Variants in TEAD1 observed in about 807,000 individuals in gnomAD.
The protein encoded by TEAD1 is TEA domain transcription factor 1.
A neutral mutation model predicts 54.9 loss-of-function variants in TEAD1; 9 were observed. That is an observed-to-expected ratio of 0.16 (90% CI 0.10 to 0.29). The LOEUF is 0.29. Ranked by LOEUF, TEAD1 falls within the 10% of genes least tolerant of loss-of-function variation. TEAD1 has a pLI of 1.00. For synonymous variants in TEAD1, 200 were observed against 187.8 expected (o/e 1.07, Z -0.53); for missense variants, 387 against 535.9 (o/e 0.72, Z 2.74).
intron 5 of TEAD1, among the ~76,000 whole-genome samples, chr11:12,867,714 A>G (rs999288904): frequency 6.6e-6 from 1 of 152,152 alleles, no homozygotes; most frequent in African/African-American, 2.4e-5. Context: ...CGAGGTCATC[A>G]TGGGGTCAGG....
intron 2 of TEAD1, among the ~76,000 whole-genome samples, chr11:12,713,369 G>A (rs1943984003): frequency 6.6e-6 from 1 of 152,102 alleles, no homozygotes; most frequent in Non-Finnish European, 1.5e-5. Flanking sequence ...CCCACATTGG[G>A]GATTGTCTCT....
intron 5 of TEAD1, among the ~76,000 whole-genome samples, chr11:12,867,537 C>G (rs1403406870): frequency 1.3e-5 from 2 of 152,138 alleles, no homozygotes; most frequent in Non-Finnish European, 2.9e-5. Context: ...TTCTTTCACT[C>G]CCTCCATGAG....
At chr11:12,858,170 C>CT (rs1255125100) in intron 3 of TEAD1, among the ~76,000 whole-genome samples, 6 of 152,246 alleles carry the variant, frequency 3.9e-5, no homozygotes, top group African/African-American at 1.2e-4. Context: ...CAAGACTCTC[C>CT]TCAGAACCTA....
chr11:12,754,087 T>C (rs1398321322), intron 2 of TEAD1, among the ~76,000 whole-genome samples: 7 of 152,248 alleles, frequency 4.6e-5, no homozygotes, highest in African/African-American at 1.4e-4. Flanking sequence ...TTCCTTGGCC[T>C]ATTTTCATTA....
At chr11:12,716,851 C>G (rs1310976022) in intron 2 of TEAD1, among the ~76,000 whole-genome samples, 1 of 152,248 alleles carries the variant, frequency 6.6e-6, no homozygotes, top group Non-Finnish European at 1.5e-5. Flanking sequence ...CAGCCCTCTT[C>G]TAAGTCATCA....
At chr11:12,740,850 C>T (rs115970629) in intron 2 of TEAD1, among the ~76,000 whole-genome samples, 1,862 of 152,166 alleles carry the variant, frequency 0.012, 48 homozygotes, top group African/African-American at 0.042. Context: ...GCGGTTGCCT[C>T]GGTGGATCCT....
At chr11:12,799,277 T>TCA (rs1187922566) in intron 3 of TEAD1, among the ~76,000 whole-genome samples, 1 of 152,250 alleles carries the variant, frequency 6.6e-6, no homozygotes, top group African/African-American at 2.4e-5. Context: ...TTATCCCACT[T>TCA]CACAGATAAG....
At chr11:12,875,720 ACCT>A (rs1333118731) in intron 5 of TEAD1, among the ~76,000 whole-genome samples, 5 of 152,050 alleles carry the variant, frequency 3.3e-5, no homozygotes, top group Non-Finnish European at 7.4e-5. Flanking sequence ...TGCAGAAAGA[ACCT>A]CTACTTGAGA....
chr11:12,932,341 GA>G (rs1354886603), intron 12 of TEAD1, among the ~76,000 whole-genome samples: 2 of 152,072 alleles, frequency 1.3e-5, no homozygotes, highest in Admixed American at 1.3e-4. Flanking sequence ...AGGTAAGTGT[GA>G]CATCTACTGA....
chr11:12,723,311 A>G (rs1944250405), intron 2 of TEAD1, among the ~76,000 whole-genome samples: 1 of 152,186 alleles, frequency 6.6e-6, no homozygotes, highest in South Asian at 2.1e-4. Flanking sequence ...TTTACTTACT[A>G]TGTTTTGAGA....
At chr11:12,761,061 G>A (rs1420775267) in intron 2 of TEAD1, among the ~76,000 whole-genome samples, 2 of 152,188 alleles carry the variant, frequency 1.3e-5, no homozygotes, top group South Asian at 2.1e-4. Flanking sequence ...AATGGCAAGA[G>A]TCTGGATACA....
chr11:12,907,836 G>A (rs11605871), intron 10 of TEAD1, among the ~76,000 whole-genome samples: 25,015 of 152,146 alleles, frequency 0.16, 2,396 homozygotes, highest in Non-Finnish European at 0.22. Context: ...CAGAATCCAT[G>A]CTCTTTGTGT....
intron 3 of TEAD1, among the ~76,000 whole-genome samples, chr11:12,823,137 C>G (rs932288823): frequency 2.3e-4 from 35 of 152,206 alleles, no homozygotes; most frequent in African/African-American, 8.4e-4. Flanking sequence ...TGTCCTGGTT[C>G]TCCTTCACCT....
rs11364747 is a variant in TEAD1, at chr11:12,854,758, A to ATT, written c.203-7472_203-7471dup. Among the ~76,000 whole-genome samples, 50 of 124,062 alleles carry ATT rather than the reference A, an allele frequency of 4.0e-4. No individual in the cohort carries two copies. The East Asian group carries it at 6.0e-3, about 15-fold the overall frequency. 81.4% of individuals were successfully genotyped at this position (124,062 alleles called of 152,430 possible). A position where few individuals can be genotyped will look rare whatever the true frequency, so the allele number is the denominator to read the frequency against. ...AGGCAGGTGCTACCAAGCCTGGCTG[A>ATT]TTTTTTTTTTTTTTTTTTTTTAAGA... On this transcript the variant is annotated intron_variant, in intron 3 of 12. Coordinates refer to ENST00000527636, the MANE Select transcript of TEAD1 (RefSeq NM_021961.6).
intron 3 of TEAD1, among the ~76,000 whole-genome samples, chr11:12,824,104 T>C (rs546695697): frequency 5.3e-5 from 8 of 152,324 alleles, no homozygotes; most frequent in Admixed American, 4.6e-4. Flanking sequence ...TCACAAGATT[T>C]TAAATCCCTT....
intron 6 of TEAD1, 78 bp from the exon 7 acceptor site, chr11:12,880,927 G>T (rs1426148610): frequency 6.7e-7 from 1 of 1,501,236 alleles, no homozygotes; most frequent in South Asian, 1.1e-5. Flanking sequence ...TTTTAGCAGG[G>T]GTTGTGATGC....
chr11:12,883,934 G>A (rs368474969), intron 9 of TEAD1, among the ~76,000 whole-genome samples: 1 of 151,492 alleles, frequency 6.6e-6, no homozygotes, highest in Non-Finnish European at 1.5e-5. Context: ...GGCGGAGGTT[G>A]CGGTGAGCCA....
At chr11:12,848,567 T>G (rs1038054536) in intron 3 of TEAD1, among the ~76,000 whole-genome samples, 2 of 152,188 alleles carry the variant, frequency 1.3e-5, no homozygotes, top group African/African-American at 4.8e-5. Context: ...GTTTCTTAAC[T>G]TCTTTGAACT....
chr11:12,855,000 T>G (rs1947344980), intron 3 of TEAD1, among the ~76,000 whole-genome samples: 1 of 152,194 alleles, frequency 6.6e-6, no homozygotes. Context: ...TCCGTAGGCC[T>G]CCTTTCTTTT....
Sources: gnomAD v4.1 joint callset for allele counts (sites outside exome capture counted in the v4.1 genomes callset) on GRCh38, gnomAD v4.1.1 for gene constraint, MANE v1.5 for transcripts, NCBI Gene and HGNC (gene_info 2026-07-23, HGNC 2026-07-21) for gene names.